Variants in SATB2 observed in about 807,000 individuals in gnomAD.
SATB2 encodes SATB homeobox 2.
In SATB2, 1 loss-of-function variant was observed where a neutral mutation model predicts 73.4. That is an observed-to-expected ratio of 0.01 (90% CI 0.00 to 0.06). The LOEUF (loss-of-function observed/expected upper bound fraction) is 0.06. Ranked by LOEUF, SATB2 falls within the 10% of genes least tolerant of loss-of-function variation. The probability of loss-of-function intolerance (pLI) is 1.00; values close to 1 mark genes in which losing one functional copy is unlikely to be tolerated. For synonymous variants in SATB2, 397 were observed against 367.0 expected, an observed-to-expected ratio of 1.08 and a Z score of -0.93; for missense variants, 459 against 945.8, an observed-to-expected ratio of 0.49 and a Z score of 6.75.
chr2:199,297,840 C>T (rs1016148982), intron 10 of SATB2, among the ~76,000 whole-genome samples: 19 of 151,710 alleles, frequency 1.3e-4, no homozygotes, highest in Admixed American at 6.6e-5. Flanking sequence ...TTGTCATACC[C>T]AATGGCATTT....
chr2:199,286,262 T>C (rs1574472122), intron 10 of SATB2, among the ~76,000 whole-genome samples: 1 of 152,110 alleles, frequency 6.6e-6, no homozygotes, highest in Non-Finnish European at 1.5e-5. Flanking sequence ...CTATATCAAA[T>C]AGCTATGAAG....
intron 3 of SATB2, among the ~76,000 whole-genome samples, chr2:199,409,572 ATTAACATTT>A (rs1690748317): frequency 6.6e-6 from 1 of 152,164 alleles, no homozygotes; most frequent in Admixed American, 6.5e-5. Flanking sequence ...AAGATGGTGA[ATTAACATTT>A]TTATCATGGC....
At chr2:199,461,707 A>G (rs979092163), upstream of SATB2, among the ~76,000 whole-genome samples, 1 of 152,152 alleles carries the variant, frequency 6.6e-6, no homozygotes, top group African/African-American at 2.4e-5. Flanking sequence ...TTCCTTATGT[A>G]ATTTAGTAAA....
chr2:199,391,432 CA>C lies in SATB2; in HGVS notation c.347-9613del, dbSNP rs56190034. ...TGGGCGACAGAGCAAGACTCCGTCT[CA>C]AAAAAAAAAAAAAAAAAAACAAAAA... On this transcript the variant is annotated intron_variant, in intron 3 of 10. Coordinates refer to ENST00000417098, the MANE Select transcript of SATB2 (RefSeq NM_001172509.2). 4.0e-3 allele frequency among the ~76,000 whole-genome samples: 394 copies of C among 98,584 alleles called. 1 individual carries two copies. The highest frequency in any genetic ancestry group is 0.014 in the African/African-American group (345 of 25,220). The allele number at this position is 98,584 out of a possible 152,430, so 64.7% of individuals were successfully genotyped here.
At chr2:199,339,775 A>C (rs1369224259) in intron 7 of SATB2, among the ~76,000 whole-genome samples, 2 of 152,336 alleles carry the variant, frequency 1.3e-5, no homozygotes, top group East Asian at 1.9e-4. Context: ...TGTATGATTA[A>C]ATTGTGCCAA....
intron 6 of SATB2, 109 bp downstream of exon 6, chr2:199,368,496 A>T (rs1689352807): frequency 1.4e-6 from 1 of 725,268 alleles, no homozygotes. Flanking sequence ...TCACCTTTGT[A>T]AAAAAATTAC....
chr2:199,350,319 T>TA (rs1185168600), intron 6 of SATB2, among the ~76,000 whole-genome samples: 1 of 151,930 alleles, frequency 6.6e-6, no homozygotes, highest in Non-Finnish European at 1.5e-5. Flanking sequence ...GCCATATAGT[T>TA]AACCGTGACA....
At chr2:199,431,366 CAGATCAGCAGCCTAATTTAAAACAA>C (rs1691495957) in intron 3 of SATB2, among the ~76,000 whole-genome samples, 1 of 152,168 alleles carries the variant, frequency 6.6e-6, no homozygotes, top group Non-Finnish European at 1.5e-5. Flanking sequence ...CCCCAAAACA[CAGATCAGCAGCCTAATTTAAAACAA>C]ACTGATTTTT....
At chr2:199,342,249 C>T (rs1688527635) in intron 7 of SATB2, among the ~76,000 whole-genome samples, 1 of 152,084 alleles carries the variant, frequency 6.6e-6, no homozygotes, top group Non-Finnish European at 1.5e-5. Flanking sequence ...TCATCCATCT[C>T]ACTTTGTGGC....
chr2:199,398,827 T>TA (rs1006524456), intron 3 of SATB2, among the ~76,000 whole-genome samples: 3 of 152,090 alleles, frequency 2.0e-5, no homozygotes, highest in Non-Finnish European at 4.4e-5. Flanking sequence ...AGTGTGGAAA[T>TA]AAAAAAATAA....
chr2:199,309,564 A>C (rs1687536581), intron 9 of SATB2, among the ~76,000 whole-genome samples: 1 of 152,232 alleles, frequency 6.6e-6, no homozygotes. Context: ...CACCTGCAGG[A>C]AGGTAGGCAG....
At chr2:199,456,317 C>T (rs937747550) in intron 1 of SATB2, among the ~76,000 whole-genome samples, 3 of 152,240 alleles carry the variant, frequency 2.0e-5, no homozygotes, top group Non-Finnish European at 4.4e-5. Context: ...TGCCCAGTCG[C>T]AGCTCCCCAG....
chr2:199,386,712 GCGCGCA>G lies in SATB2; in HGVS notation c.347-4898_347-4893del, dbSNP rs1433389654. Among the ~76,000 whole-genome samples the G allele has an allele frequency of 3.2e-3, 217 of 67,656 alleles. 1 individual carries two copies. Among genetic ancestry groups the G allele is most frequent in the African/African-American group, 0.016 (209 of 12,884 alleles). 44.4% of individuals were successfully genotyped at this position (67,656 alleles called of 152,430 possible). Reference sequence around the variant, plus strand: ...CGTGCGCAAGCGCGCGCGCGCGCGCGCGCGCACACACACACACACACACACACACAC... The same window carrying G: ...CGTGCGCAAGCGCGCGCGCGCGCGCGCACACACACACACACACACACACAC... On this transcript the variant is annotated intron_variant, in intron 3 of 10. Transcript: ENST00000417098.
chr2:199,409,264 G>C (rs1349302407), intron 3 of SATB2, among the ~76,000 whole-genome samples: 1 of 145,514 alleles, frequency 6.9e-6, no homozygotes, highest in African/African-American at 2.5e-5. Context: ...CCGCCTCCCG[G>C]GTTCAAGCAA....
At chr2:199,355,060 C>T (rs765165220) in intron 6 of SATB2, among the ~76,000 whole-genome samples, 2 of 151,808 alleles carry the variant, frequency 1.3e-5, no homozygotes, top group African/African-American at 4.8e-5. Context: ...ACACTTGTTA[C>T]GGTACATCCA....
At chr2:199,442,747 AAAAT>A (rs1476310068) in intron 2 of SATB2, among the ~76,000 whole-genome samples, 32 of 152,170 alleles carry the variant, frequency 2.1e-4, no homozygotes, top group Admixed American at 1.2e-3. Context: ...ATCCATCTCT[AAAAT>A]AAATAATTAA....
At chr2:199,441,897 C>A (rs1351300829) in intron 2 of SATB2, among the ~76,000 whole-genome samples, 2 of 152,182 alleles carry the variant, frequency 1.3e-5, no homozygotes, top group African/African-American at 4.8e-5. Context: ...ACATAGGAGG[C>A]AATTTGTGGC....
chr2:199,367,421 ACT>A (rs928166959), intron 6 of SATB2, among the ~76,000 whole-genome samples: 15 of 152,034 alleles, frequency 9.9e-5, no homozygotes, highest in African/African-American at 3.6e-4. Context: ...AGCATAAAAC[ACT>A]CTCATTCCTT....
intron 3 of SATB2, among the ~76,000 whole-genome samples, chr2:199,414,727 G>C (rs1415366215): frequency 6.6e-6 from 1 of 152,136 alleles, no homozygotes; most frequent in Admixed American, 6.5e-5. Flanking sequence ...GTCTGCAAAA[G>C]CCTTTCCTTT....
Sources: gnomAD v4.1 joint callset for allele counts (sites outside exome capture counted in the v4.1 genomes callset) on GRCh38, gnomAD v4.1.1 for gene constraint, MANE v1.5 for transcripts, NCBI Gene and HGNC (gene_info 2026-07-23, HGNC 2026-07-21) for gene names.